The following FGF12 variants were observed in gnomAD, a reference collection of about 807,000 sequenced individuals.
FGF12 encodes fibroblast growth factor 12B.
Under a neutral mutation model 23.6 loss-of-function variants are expected in FGF12, and 14 were observed. That is an observed-to-expected ratio of 0.59 (90% CI 0.39 to 0.93). The LOEUF (loss-of-function observed/expected upper bound fraction) is 0.93, where lower values mean the gene tolerates loss of function less well. Ranked by LOEUF, FGF12 falls within the 40% of genes least tolerant of loss-of-function variation. FGF12 has a pLI of 0.00. For synonymous variants in FGF12, 62 were observed against 77.3 expected, an observed-to-expected ratio of 0.80 and a Z score of 1.04; for missense variants, 175 against 217.8, an observed-to-expected ratio of 0.80 and a Z score of 1.24.
intron 4 of FGF12, among the ~76,000 whole-genome samples, chr3:192,251,326 T>G (rs1386818931): frequency 6.6e-6 from 1 of 152,196 alleles, no homozygotes; most frequent in Non-Finnish European, 1.5e-5. Context: ...TCTTTTGCTT[T>G]AGTCATGCTG....
chr3:192,683,053 G>T (rs140575224), intron 2 of FGF12, among the ~76,000 whole-genome samples: 1 of 152,122 alleles, frequency 6.6e-6, no homozygotes, highest in African/African-American at 2.4e-5. Flanking sequence ...CTTCTGAATC[G>T]TATCCCTAAT....
intron 4 of FGF12, among the ~76,000 whole-genome samples, chr3:192,170,896 G>A (rs1353080963): frequency 1.3e-5 from 2 of 152,108 alleles, no homozygotes; most frequent in African/African-American, 2.4e-5. Context: ...TTGAAGCTAC[G>A]TTAAAATCAT....
chr3:192,234,425 T>C (rs574006519), intron 4 of FGF12, among the ~76,000 whole-genome samples: 9 of 152,322 alleles, frequency 5.9e-5, no homozygotes, highest in African/African-American at 1.9e-4. Flanking sequence ...GTCAGTTCTA[T>C]GAGCTTTTGG....
intron 2 of FGF12, among the ~76,000 whole-genome samples, chr3:192,382,894 G>C (rs919432683): frequency 6.6e-6 from 1 of 152,168 alleles, no homozygotes; most frequent in Non-Finnish European, 1.5e-5. Context: ...TATTTTAAAA[G>C]CTCAGTAGAG....
intron 2 of FGF12, among the ~76,000 whole-genome samples, chr3:192,659,678 G>A (rs1716578765): frequency 6.6e-6 from 1 of 152,060 alleles, no homozygotes; most frequent in Non-Finnish European, 1.5e-5. Flanking sequence ...TTCCAAGTAG[G>A]GTCAAATGGT....
chr3:192,328,138 T>C (rs906515601), intron 4 of FGF12, among the ~76,000 whole-genome samples: 3 of 152,108 alleles, frequency 2.0e-5, no homozygotes, highest in Non-Finnish European at 2.9e-5. Context: ...CACAGGTACG[T>C]ATTTATGGAC....
At chr3:192,423,342 T>A (rs1161847761) in intron 2 of FGF12, among the ~76,000 whole-genome samples, 1 of 152,164 alleles carries the variant, frequency 6.6e-6, no homozygotes, top group Non-Finnish European at 1.5e-5. Context: ...GAGTGTTCCA[T>A]CTTAGGGAGC....
At chr3:192,401,851 A>G (rs1047940851) in intron 2 of FGF12, among the ~76,000 whole-genome samples, 3 of 152,188 alleles carry the variant, frequency 2.0e-5, no homozygotes, top group African/African-American at 7.2e-5. Flanking sequence ...ATCTTCATGC[A>G]AGTTGTTCTC....
chr3:192,161,181 A>AACC (rs1001367536), intron 5 of FGF12, among the ~76,000 whole-genome samples: 37 of 152,154 alleles, frequency 2.4e-4, no homozygotes, highest in Middle Eastern at 3.4e-3. Flanking sequence ...CATGACCCCT[A>AACC]ACCACCACCA....
At chr3:192,496,368 T>G (rs917171164) in intron 2 of FGF12, among the ~76,000 whole-genome samples, 2 of 151,790 alleles carry the variant, frequency 1.3e-5, no homozygotes, top group Non-Finnish European at 2.9e-5. Context: ...TTGACAAGAG[T>G]CTGATGTGAC....
chr3:192,511,172 T>C (rs1342768882), intron 2 of FGF12, among the ~76,000 whole-genome samples: 2 of 152,080 alleles, frequency 1.3e-5, no homozygotes, highest in African/African-American at 2.4e-5. Flanking sequence ...AGGTTGATTT[T>C]CTGGGGCAGC....
At chr3:192,442,901 G>A (rs1002979319) in intron 2 of FGF12, among the ~76,000 whole-genome samples, 6 of 150,452 alleles carry the variant, frequency 4.0e-5, no homozygotes, top group African/African-American at 1.2e-4. Flanking sequence ...TCCGCCCTCC[G>A]AGTTCAAGCG....
chr3:192,456,616 T>A (rs1722689895), intron 2 of FGF12, among the ~76,000 whole-genome samples: 1 of 152,162 alleles, frequency 6.6e-6, no homozygotes, highest in Non-Finnish European at 1.5e-5. Flanking sequence ...CAAAAATTTT[T>A]AAAAATAATT....
rs1474812098 is a variant in FGF12 at position 192,158,434 on chromosome 3, CT to C, written c.427+12023del. Among the ~76,000 whole-genome samples the C allele has an allele frequency of 9.4e-5, 8 of 84,794 alleles. No individual in the cohort carries two copies. In the South Asian group the frequency reaches 3.0e-3, roughly 32 times the overall value. The allele number at this position is 84,794 out of a possible 152,430, so 55.6% of individuals were successfully genotyped here. A position where few individuals can be genotyped will look rare whatever the true frequency, so the allele number is the denominator to read the frequency against. ...TTCTTTCTCTTTCTTTTTCTTTTTT[CT>C]TTCTTTCTTTCTTCTTTTTTCTTGC... On this transcript the variant is annotated intron_variant, in intron 5 of 5. Transcript: ENST00000445105.
At chr3:192,673,187 T>C (rs1717194825) in intron 2 of FGF12, 1 of 150,844 alleles carries the variant, frequency 6.6e-6, no homozygotes, top group South Asian at 2.1e-4. Context: ...GAAGGTGCTC[T>C]CCTCACTCAT....
chr3:192,381,702 A>C (rs1403350578), intron 2 of FGF12, among the ~76,000 whole-genome samples: 1 of 152,228 alleles, frequency 6.6e-6, no homozygotes, highest in African/African-American at 2.4e-5. Context: ...GTGTCAGAAA[A>C]AATGAGGAGT....
At chr3:192,397,402 G>T (rs1220493524) in intron 2 of FGF12, among the ~76,000 whole-genome samples, 1 of 152,156 alleles carries the variant, frequency 6.6e-6, no homozygotes, top group Non-Finnish European at 1.5e-5. Context: ...AGGATGTCTG[G>T]GTTTCTATCA....
At chr3:192,328,816 C>A (rs764104951) in intron 4 of FGF12, among the ~76,000 whole-genome samples, 4 of 152,164 alleles carry the variant, frequency 2.6e-5, no homozygotes, top group Non-Finnish European at 5.9e-5. Context: ...AGAATTGTAT[C>A]TATTTCATTC....
intron 2 of FGF12, among the ~76,000 whole-genome samples, chr3:192,629,870 T>C (rs1370205146): frequency 6.6e-6 from 1 of 152,148 alleles, no homozygotes; most frequent in Non-Finnish European, 1.5e-5. Context: ...TGCGAGGATA[T>C]AACACAAGAA....
Sources: allele counts gnomAD v4.1 joint callset (sites outside exome capture counted in the v4.1 genomes callset), GRCh38; gene constraint gnomAD v4.1.1; transcripts MANE v1.5; gene names NCBI Gene and HGNC (gene_info 2026-07-23, HGNC 2026-07-21).